The following EIF4H variants were observed in gnomAD, a reference collection of about 807,000 sequenced individuals.
The protein encoded by EIF4H is eukaryotic translation initiation factor 4H.
A neutral mutation model predicts 30.6 loss-of-function variants in EIF4H; 8 were observed. That is an observed-to-expected ratio of 0.26 (90% CI 0.15 to 0.47). The LOEUF (loss-of-function observed/expected upper bound fraction) is 0.47. Among genes scored for constraint, EIF4H ranks in the 20% least tolerant of loss-of-function variants. EIF4H has a pLI of 0.99. For synonymous variants in EIF4H, 106 were observed against 122.7 expected, an observed-to-expected ratio of 0.86 and a Z score of 0.90; for missense variants, 188 against 339.5, an observed-to-expected ratio of 0.55 and a Z score of 3.51.
rs1422630151 is a variant in EIF4H at position 74,195,090 on chromosome 7, A to G, written c.608-79A>G. On this transcript the variant is annotated intron_variant, in intron 6 of 6. Transcript: ENST00000265753. ...TTTTAGAAAGTGGGCTGGTTTGCTG[A>G]CAGCAACATCAGCATGGTCGTTTTG... 7.0e-6 allele frequency: 11 copies of G among 1,569,854 alleles called. No homozygotes were observed. The African/African-American group carries it at 1.5e-4, about 21-fold the overall frequency.
At chr7:74,185,981 C>G (rs1259341825) in intron 1 of EIF4H, among the ~76,000 whole-genome samples, 1 of 151,776 alleles carries the variant, frequency 6.6e-6, no homozygotes, top group Non-Finnish European at 1.5e-5. Context: ...TGGAAATTTT[C>G]AAATCTACAA....
At chr7:74,189,431 A>G (rs1801156719) in intron 2 of EIF4H, among the ~76,000 whole-genome samples, 1 of 152,244 alleles carries the variant, frequency 6.6e-6, no homozygotes, top group South Asian at 2.1e-4. Flanking sequence ...TCAAGAAGAA[A>G]GCTTTCTAGA....
chr7:74,186,319 T>C (rs1801079854), intron 1 of EIF4H, among the ~76,000 whole-genome samples: 1 of 151,834 alleles, frequency 6.6e-6, no homozygotes, highest in African/African-American at 2.4e-5. Context: ...GTTCAAGCGA[T>C]TCTCCTGCCT....
chr7:74,177,947 GTATT>G (rs1407538643), intron 1 of EIF4H, among the ~76,000 whole-genome samples: 1 of 152,084 alleles, frequency 6.6e-6, no homozygotes, highest in African/African-American at 2.4e-5. Context: ...TTAGAAACAT[GTATT>G]TATTTATGAA....
intron 1 of EIF4H, among the ~76,000 whole-genome samples, chr7:74,186,542 A>C (rs1201956039): frequency 5.3e-5 from 8 of 152,192 alleles, no homozygotes; most frequent in Non-Finnish European, 7.3e-5. Flanking sequence ...ATAACTTCTC[A>C]AGGTCATATG....
intron 5 of EIF4H, among the ~76,000 whole-genome samples, chr7:74,192,469 T>C (rs2115992102): frequency 6.6e-6 from 1 of 152,106 alleles, no homozygotes; most frequent in Non-Finnish European, 1.5e-5. Context: ...GGGTGTGAGA[T>C]CCCTTGGTTT....
Position 74,174,408 on chromosome 7 carries a change from G to A in EIF4H, c.25G>A (p.Asp9Asn), listed in dbSNP as rs146609826. 9.9e-5 allele frequency: 145 copies of A among 1,460,394 alleles called. No homozygotes were observed. In the African/African-American group the frequency reaches 1.3e-3, roughly 13 times the overall value. The allele number at this position is 1,460,394 out of a possible 1,614,324, so 90.5% of individuals were successfully genotyped here. The change falls in exon 1 of 7, where the codon GAT becomes AAT. Residue 9 changes from aspartate (D) to asparagine (N), a missense_variant. By Grantham distance (23) the Asp-to-Asn change is conservative. Coordinates refer to ENST00000265753, the MANE Select transcript of EIF4H (RefSeq NM_022170.2). Reference protein sequence around the residue: MADFDTYDDRAYSSFGGGR... With the variant: MADFDTYDNRAYSSFGGGR... ...AATGGCGGACTTCGACACCTACGAC[G>A]ATCGGGCCTACAGCAGCTTCGGCGG...
At chr7:74,184,588 C>G (rs17146081) in intron 1 of EIF4H, among the ~76,000 whole-genome samples, 6,260 of 151,946 alleles carry the variant, frequency 0.041, 419 homozygotes, top group African/African-American at 0.14. Context: ...TGAATTTAAA[C>G]TGTTTTTAAC....
intron 1 of EIF4H, among the ~76,000 whole-genome samples, chr7:74,180,645 C>CA (rs1800939367): frequency 6.6e-6 from 1 of 152,176 alleles, no homozygotes; most frequent in South Asian, 2.1e-4. Flanking sequence ...TTTAAGGCAT[C>CA]AGCACACTGG....
In EIF4H at chr7:74,186,488, G is replaced by T. The variant is rs147851388; in HGVS notation, c.60-1123G>T. 3.9e-5 allele frequency among the ~76,000 whole-genome samples: 6 copies of T among 152,090 alleles called. No homozygotes were observed. The East Asian group carries it at 1.2e-3, about 29-fold the overall frequency. On this transcript the variant is annotated intron_variant, in intron 1 of 6. Coordinates refer to ENST00000265753, the MANE Select transcript of EIF4H (RefSeq NM_022170.2). ...TCGGCCTCCCAAAATGCTGTATTAG[G>T]ATTAACTCAGTTTTACAAATAAAAT...
Position 74,195,500 on chromosome 7 carries a change from A to G in EIF4H, c.*192A>G. The G allele has an allele frequency of 2.0e-6, 1 of 509,392 alleles. No individual in the cohort carries two copies. Among genetic ancestry groups the G allele is most frequent in the East Asian group, 3.4e-5 (1 of 29,410 alleles). 31.6% of individuals were successfully genotyped at this position (509,392 alleles called of 1,614,324 possible). On this transcript the variant is annotated 3_prime_UTR_variant, in exon 7 of 7. Transcript: ENST00000265753. Reference sequence around the variant, plus strand: ...GTACATTCTGGGCTTTGCTGTATCTATCTAGTGCCTGTTTGTGCGTTTTTT... The same window carrying G: ...GTACATTCTGGGCTTTGCTGTATCTGTCTAGTGCCTGTTTGTGCGTTTTTT...
At chr7:74,185,744 G>C (rs1461287209) in intron 1 of EIF4H, among the ~76,000 whole-genome samples, 1 of 152,114 alleles carries the variant, frequency 6.6e-6, no homozygotes, top group African/African-American at 2.4e-5. Flanking sequence ...TGCTCTCTAA[G>C]ATGGATATTA....
In EIF4H at chr7:74,195,958, C is replaced by G. The variant is rs1763873842; in HGVS notation, c.*650C>G. ...ATGACCCCCTCCCGAGTGGACTGTC[C>G]AAGCAGATAGGCTCACACGAGAAAC... On this transcript the variant is annotated 3_prime_UTR_variant, in exon 7 of 7. Coordinates refer to ENST00000265753, the MANE Select transcript of EIF4H (RefSeq NM_022170.2). 6.6e-6 allele frequency: 1 copy of G among 152,432 alleles called. No individual in the cohort carries two copies. The allele number at this position is 152,432 out of a possible 1,614,324, so 9.4% of individuals were successfully genotyped here.
At chr7:74,174,771 A>G (rs1584169330) in intron 1 of EIF4H, among the ~76,000 whole-genome samples, 1 of 152,360 alleles carries the variant, frequency 6.6e-6, no homozygotes, top group East Asian at 1.9e-4. Context: ...CCCCTACGGT[A>G]GGACCAGTGC....
intron 1 of EIF4H, among the ~76,000 whole-genome samples, chr7:74,181,868 C>T (rs917390545): frequency 2.6e-5 from 4 of 152,078 alleles, no homozygotes; most frequent in Admixed American, 2.6e-4. Context: ...AGGCACCTGC[C>T]ACTGTGCCCA....
At chr7:74,179,293 G>A (rs1800905760) in intron 1 of EIF4H, among the ~76,000 whole-genome samples, 1 of 152,178 alleles carries the variant, frequency 6.6e-6, no homozygotes, top group South Asian at 2.1e-4. Context: ...GTTGCAATGT[G>A]AAACCTAAAA....
intron 2 of EIF4H, 96 bp downstream of exon 2, chr7:74,187,894 T>C: frequency 7.3e-7 from 1 of 1,361,290 alleles, no homozygotes; most frequent in Non-Finnish European, 9.8e-7. Flanking sequence ...CCAGAGGCTG[T>C]AATCAAGAAA....
Position 74,174,470 on chromosome 7 carries a change from G to A in EIF4H, c.59+28G>A, listed in dbSNP as rs782325217. ...GAGGCGGGCGTGCGCGGGCCCCGTC[G>A]GGGGCTGCGGGACCGGCGGAGTCGG... is the stretch of plus-strand genomic sequence containing the variant. On this transcript the variant is annotated intron_variant, in intron 1 of 6. Transcript: ENST00000265753. 250 of 1,391,142 alleles carry A rather than the reference G, an allele frequency of 1.8e-4. 1 individual carries two copies. The highest frequency in any genetic ancestry group is 2.7e-4 in the South Asian group (16 of 58,682). The allele number at this position is 1,391,142 out of a possible 1,614,324, so 86.2% of individuals were successfully genotyped here.
At chr7:74,191,608 T>C (rs1801215068) in intron 5 of EIF4H, among the ~76,000 whole-genome samples, 1 of 151,852 alleles carries the variant, frequency 6.6e-6, no homozygotes, top group African/African-American at 2.4e-5. Context: ...GATGGTGCTA[T>C]TTTTTTTAAT....
Sources: gnomAD v4.1 joint callset for allele counts (sites outside exome capture counted in the v4.1 genomes callset) on GRCh38, gnomAD v4.1.1 for gene constraint, MANE v1.5 for transcripts, NCBI Gene and HGNC (gene_info 2026-07-23, HGNC 2026-07-21) for gene names.